The following TBC1D5 variants were observed in gnomAD, a reference collection of about 807,000 sequenced individuals.
TBC1D5 encodes TBC1 domain family, member 5.
In TBC1D5, 75 loss-of-function variants were observed where a neutral mutation model predicts 100.3. That is an observed-to-expected ratio of 0.75 (90% CI 0.62 to 0.91). The LOEUF (loss-of-function observed/expected upper bound fraction) is 0.91, where lower values mean the gene tolerates loss of function less well. Among genes scored for constraint, TBC1D5 ranks in the 40% least tolerant of loss-of-function variants. The pLI is 0.00. For synonymous variants in TBC1D5, 323 were observed against 325.6 expected (o/e 0.99, Z 0.09); for missense variants, 910 against 942.4 (o/e 0.97, Z 0.45).
At chr3:17,721,459 ATGTGTGTG>A (rs59017875) in intron 1 of TBC1D5, among the ~76,000 whole-genome samples, 14 of 149,038 alleles carry the variant, frequency 9.4e-5, no homozygotes, top group East Asian at 2.0e-4. Flanking sequence ...GTGTGAGAGC[ATGTGTGTG>A]TGTGTGTGTG....
At chr3:17,435,269 T>C (rs942193425) in intron 3 of TBC1D5, among the ~76,000 whole-genome samples, 2 of 152,206 alleles carry the variant, frequency 1.3e-5, no homozygotes, top group East Asian at 1.9e-4. Context: ...TTCCACATTT[T>C]TGGGTATCCT....
rs565340604 is a variant in TBC1D5, at chr3:17,596,411, C to T, written c.-36+27438G>A. Among the ~76,000 whole-genome samples the T allele has an allele frequency of 2.9e-4, 43 of 150,506 alleles. 1 individual carries two copies. The highest frequency in any genetic ancestry group is 2.1e-3 in the Admixed American group (32 of 15,130). ...TGGGCTCACTGCAACCTCTGCCTCC[C>T]GGGTTCAAGCAATTCTCCTGCCTCA... On this transcript the variant is annotated intron_variant, in intron 2 of 21. Transcript: ENST00000253692.
intron 1 of TBC1D5, among the ~76,000 whole-genome samples, chr3:17,689,660 G>A (rs2070830353): frequency 6.6e-6 from 1 of 152,110 alleles, no homozygotes; most frequent in Non-Finnish European, 1.5e-5. Context: ...CATCAGGCAG[G>A]GATAATCAGA....
At chr3:17,555,513 T>C (rs1227534002) in intron 2 of TBC1D5, among the ~76,000 whole-genome samples, 2 of 152,150 alleles carry the variant, frequency 1.3e-5, no homozygotes, top group African/African-American at 2.4e-5. Context: ...AGGCAATAGA[T>C]GGCAACTGTT....
chr3:17,322,480 A>G (rs538047722), intron 13 of TBC1D5, among the ~76,000 whole-genome samples: 1 of 152,324 alleles, frequency 6.6e-6, no homozygotes, highest in Non-Finnish European at 1.5e-5. Context: ...CAGCACTGTG[A>G]TTTCTGACAT....
intron 15 of TBC1D5, among the ~76,000 whole-genome samples, chr3:17,276,673 A>G (rs1388344409): frequency 6.6e-6 from 1 of 152,180 alleles, no homozygotes; most frequent in Non-Finnish European, 1.5e-5. Flanking sequence ...TGAGCCCAGG[A>G]GGTAAAAGAA....
intron 17 of TBC1D5, among the ~76,000 whole-genome samples, chr3:17,222,703 A>C: frequency 6.6e-6 from 1 of 151,442 alleles, no homozygotes; most frequent in Non-Finnish European, 1.5e-5. Flanking sequence ...TGGGGTTCCT[A>C]GGGTGTGTCA....
At chr3:17,467,582 T>G (rs898499883) in intron 3 of TBC1D5, among the ~76,000 whole-genome samples, 1 of 152,030 alleles carries the variant, frequency 6.6e-6, no homozygotes, top group Non-Finnish European at 1.5e-5. Flanking sequence ...CACTACAGAA[T>G]GATGAATAAT....
intron 2 of TBC1D5, among the ~76,000 whole-genome samples, chr3:17,509,611 T>C (rs1210863562): frequency 2.0e-5 from 3 of 152,046 alleles, no homozygotes; most frequent in Non-Finnish European, 4.4e-5. Flanking sequence ...GTTAATAGAG[T>C]TAATTGTTAT....
At chr3:17,378,043 G>C (rs1427302212) in intron 9 of TBC1D5, among the ~76,000 whole-genome samples, 5 of 151,616 alleles carry the variant, frequency 3.3e-5, no homozygotes, top group African/African-American at 9.7e-5. Flanking sequence ...ACTCCAAAAA[G>C]AAAGTGCCAT....
At position 17,425,770 on chromosome 3, in the gene TBC1D5, A is replaced by G. The variant is rs76708094; in HGVS notation, c.167+2680T>C. On this transcript the variant is annotated intron_variant, in intron 4 of 21. Transcript: ENST00000253692. ...ATTCAAAAGTTAATAAAATCTCAACATATGTTAGAGAAGGGTACATGTGTC... is the reference window on the plus strand; with the variant it reads ...ATTCAAAAGTTAATAAAATCTCAACGTATGTTAGAGAAGGGTACATGTGTC... 6.5e-4 allele frequency among the ~76,000 whole-genome samples: 99 copies of G among 152,310 alleles called. 3 individuals carry two copies. The East Asian group carries it at 0.019, about 29-fold the overall frequency.
At chr3:17,340,548 T>A (rs1575420516) in intron 13 of TBC1D5, 2 of 152,270 alleles carry the variant, frequency 1.3e-5, no homozygotes, top group Non-Finnish European at 2.9e-5. Context: ...TGATTTAGAG[T>A]AGCCTTATGA....
At chr3:17,710,844 TG>T in intron 1 of TBC1D5, among the ~76,000 whole-genome samples, 2 of 152,070 alleles carry the variant, frequency 1.3e-5, no homozygotes, top group Admixed American at 1.3e-4. Flanking sequence ...ATTACAGGCA[TG>T]CGTCACCACG....
rs143490954 is a variant in TBC1D5, at chr3:17,180,188, C to T, written c.1852+4921G>A. Among the ~76,000 whole-genome samples, 119 of 152,286 alleles carry T rather than the reference C, an allele frequency of 7.8e-4. 2 individuals carry two copies. The East Asian group carries it at 0.012, about 16-fold the overall frequency. On this transcript the variant is annotated intron_variant, in intron 19 of 21. Transcript: ENST00000253692. ...GTTTAATAAAACATATTTTCAATTC[C>T]TGTCTCTAAACCTTTGAATTCAAAT...
At chr3:17,387,545 T>C (rs984636472) in intron 8 of TBC1D5, among the ~76,000 whole-genome samples, 5 of 151,976 alleles carry the variant, frequency 3.3e-5, no homozygotes, top group African/African-American at 1.2e-4. Flanking sequence ...ATAAGAAATG[T>C]GGGAGAAAAA....
At chr3:17,187,735 G>A (rs2069322263) in intron 18 of TBC1D5, among the ~76,000 whole-genome samples, 1 of 152,192 alleles carries the variant, frequency 6.6e-6, no homozygotes, top group African/African-American at 2.4e-5. Context: ...CTGTACCGAA[G>A]CCAGAGTTTG....
chr3:17,292,450 T>C (rs1020606306), intron 14 of TBC1D5, among the ~76,000 whole-genome samples: 18 of 152,244 alleles, frequency 1.2e-4, no homozygotes, highest in Non-Finnish European at 1.3e-4. Context: ...TTCTTTTGTA[T>C]AGGTAAACAT....
chr3:17,365,743 C>CT (rs1248657843), intron 13 of TBC1D5, among the ~76,000 whole-genome samples: 2 of 152,070 alleles, frequency 1.3e-5, no homozygotes, highest in Non-Finnish European at 2.9e-5. Flanking sequence ...TAGCCTGGGT[C>CT]TTTGATATCT....
At chr3:17,179,252 C>T (rs1336596985) in intron 19 of TBC1D5, among the ~76,000 whole-genome samples, 1 of 152,216 alleles carries the variant, frequency 6.6e-6, no homozygotes, top group African/African-American at 2.4e-5. Flanking sequence ...GTGTAGTTGA[C>T]AGAGAGAAAG....
Sources: allele counts gnomAD v4.1 joint callset (sites outside exome capture counted in the v4.1 genomes callset), GRCh38; gene constraint gnomAD v4.1.1; transcripts MANE v1.5; gene names NCBI Gene and HGNC (gene_info 2026-07-23, HGNC 2026-07-21).